LRRC72: variants seen among roughly 807,000 people sequenced by gnomAD.
LRRC72 encodes the protein leucine rich repeat containing 72.
LRRC72 carries 41 observed loss-of-function variants against 35.8 expected under a neutral mutation model. That is an observed-to-expected ratio of 1.15 (90% CI 0.89 to 1.49). The LOEUF (loss-of-function observed/expected upper bound fraction) is 1.49, where lower values mean the gene tolerates loss of function less well. LRRC72 is among the 40% of genes most tolerant of loss of function. LRRC72 has a pLI of 0.00. For missense variants in LRRC72, 389 were observed against 330.7 expected, an observed-to-expected ratio of 1.18 and a Z score of -1.37; for synonymous variants, 118 against 119.2, an observed-to-expected ratio of 0.99 and a Z score of 0.07.
intron 7 of LRRC72, among the ~76,000 whole-genome samples, chr7:16,578,035 G>A (rs1444515185): frequency 6.6e-6 from 1 of 152,128 alleles, no homozygotes; most frequent in African/African-American, 2.4e-5. Flanking sequence ...CTACAGAAGT[G>A]CTTGCACATA....
chr7:16,550,878 A>T (rs1435917034), intron 3 of LRRC72, among the ~76,000 whole-genome samples: 5 of 152,230 alleles, frequency 3.3e-5, no homozygotes, highest in Non-Finnish European at 7.3e-5. Flanking sequence ...TGCTATTCAG[A>T]GCTAAGCCAT....
chr7:16,540,326 T>C (rs1054720690), intron 3 of LRRC72, among the ~76,000 whole-genome samples: 1 of 152,196 alleles, frequency 6.6e-6, no homozygotes, highest in Non-Finnish European at 1.5e-5. Context: ...ATTTCTCTCA[T>C]TTAGAATGAG....
chr7:16,531,181 A>C (rs557296883), intron 1 of LRRC72, among the ~76,000 whole-genome samples: 2 of 136,818 alleles, frequency 1.5e-5, no homozygotes, highest in African/African-American at 5.9e-5. Context: ...AAACTCTCTC[A>C]AAAAAAAAAA....
intron 7 of LRRC72, among the ~76,000 whole-genome samples, chr7:16,575,527 T>C (rs1436241542): frequency 6.6e-6 from 1 of 152,220 alleles, no homozygotes; most frequent in Non-Finnish European, 1.5e-5. Context: ...TGCTAATAAT[T>C]ATAAGTTTTA....
intron 3 of LRRC72, among the ~76,000 whole-genome samples, chr7:16,549,983 C>T (rs191618245): frequency 2.0e-5 from 3 of 152,202 alleles, no homozygotes; most frequent in Admixed American, 2.0e-4. Context: ...CTTTGGGAGG[C>T]CATGATTAGA....
intron 3 of LRRC72, among the ~76,000 whole-genome samples, chr7:16,539,912 G>C (rs1782326491): frequency 6.6e-6 from 1 of 152,362 alleles, no homozygotes; most frequent in Non-Finnish European, 1.5e-5. Context: ...TCTGCTGCAA[G>C]GGTGGAGCTC....
chr7:16,535,358 T>C (rs1782235370), intron 2 of LRRC72, among the ~76,000 whole-genome samples: 2 of 152,016 alleles, frequency 1.3e-5, no homozygotes, highest in African/African-American at 4.8e-5. Flanking sequence ...AGTAAAAAAC[T>C]CTTGAAAATT....
intron 8 of LRRC72, among the ~76,000 whole-genome samples, chr7:16,580,597 T>C (rs896136832): frequency 6.6e-6 from 1 of 152,134 alleles, no homozygotes; most frequent in African/African-American, 2.4e-5. Flanking sequence ...TGAGCCTAAA[T>C]CATGCCACTG....
intron 3 of LRRC72, among the ~76,000 whole-genome samples, chr7:16,553,086 C>T (rs1029595304): frequency 3.5e-4 from 53 of 152,228 alleles, no homozygotes; most frequent in African/African-American, 1.2e-3. Context: ...CTTCTTCTTT[C>T]CATTTCTGGT....
intron 7 of LRRC72, among the ~76,000 whole-genome samples, chr7:16,576,293 TG>T (rs1297743767): frequency 6.6e-6 from 1 of 152,340 alleles, no homozygotes; most frequent in East Asian, 1.9e-4. Flanking sequence ...CTTCTATATT[TG>T]TTTTTTTATA....
intron 3 of LRRC72, among the ~76,000 whole-genome samples, chr7:16,547,624 C>T (rs953792811): frequency 3.9e-5 from 6 of 152,234 alleles, no homozygotes; most frequent in Non-Finnish European, 7.3e-5. Flanking sequence ...AGCACCCACT[C>T]CAATAACAGA....
intron 7 of LRRC72, among the ~76,000 whole-genome samples, chr7:16,574,750 A>G (rs1432688923): frequency 6.6e-6 from 1 of 151,998 alleles, no homozygotes; most frequent in Non-Finnish European, 1.5e-5. Context: ...GTACCTATGT[A>G]ACAAGCCTGC....
At chr7:16,559,196 C>G (rs1242652141) in intron 5 of LRRC72, among the ~76,000 whole-genome samples, 197 bp downstream of exon 5, 1 of 152,082 alleles carries the variant, frequency 6.6e-6, no homozygotes, top group East Asian at 1.9e-4. Flanking sequence ...GAGTTCAACA[C>G]CAGCCTGAGC....
intron 5 of LRRC72, among the ~76,000 whole-genome samples, chr7:16,563,581 A>T (rs370312071): frequency 8.5e-5 from 13 of 152,338 alleles, no homozygotes; most frequent in African/African-American, 2.6e-4. Context: ...GGCTTTCAGA[A>T]CATTCAGAAA....
At chr7:16,574,291 A>G (rs2128339082) in intron 7 of LRRC72, among the ~76,000 whole-genome samples, 1 of 152,360 alleles carries the variant, frequency 6.6e-6, no homozygotes, top group East Asian at 1.9e-4. Context: ...CAGCAATCCC[A>G]TTACTGGGTA....
intron 3 of LRRC72, among the ~76,000 whole-genome samples, chr7:16,538,543 G>C (rs1002489750): frequency 2.0e-5 from 3 of 152,154 alleles, no homozygotes; most frequent in Non-Finnish European, 2.9e-5. Flanking sequence ...CCAGGTCAAC[G>C]TACCTAGTCC....
chr7:16,560,089 CAAGATA>C (rs1180981753), intron 5 of LRRC72, among the ~76,000 whole-genome samples: 8 of 152,116 alleles, frequency 5.3e-5, no homozygotes, highest in Non-Finnish European at 1.2e-4. Context: ...AACCACAATA[CAAGATA>C]AAGGATTCTG....
intron 7 of LRRC72, among the ~76,000 whole-genome samples, chr7:16,568,061 T>G (rs541968575): frequency 6.6e-6 from 1 of 152,310 alleles, no homozygotes; most frequent in South Asian, 2.1e-4. Context: ...TTGTAGGAAT[T>G]TAATTTCATA....
intron 3 of LRRC72, among the ~76,000 whole-genome samples, chr7:16,554,021 A>G (rs1013691263): frequency 6.6e-6 from 1 of 152,206 alleles, no homozygotes; most frequent in African/African-American, 2.4e-5. Context: ...GATTTCTCTA[A>G]ATGGATAATA....
Sources: allele counts gnomAD v4.1 joint callset (sites outside exome capture counted in the v4.1 genomes callset), GRCh38; gene constraint gnomAD v4.1.1; transcripts MANE v1.5; gene names NCBI Gene and HGNC (gene_info 2026-07-23, HGNC 2026-07-21).